Variants in PREX2 observed in about 807,000 individuals in gnomAD.
PREX2 encodes phosphatidylinositol-3,4,5-trisphosphate dependent Rac exchange factor 2.
A neutral mutation model predicts 203.2 loss-of-function variants in PREX2; 107 were observed. That is an observed-to-expected ratio of 0.53 (90% confidence interval 0.45 to 0.62). PREX2 has a LOEUF of 0.62. Among genes scored for constraint, PREX2 ranks in the 20% least tolerant of loss-of-function variants. The probability of loss-of-function intolerance (pLI) is 0.00; values close to 1 mark genes in which losing one functional copy is unlikely to be tolerated. For synonymous variants in PREX2, 672 were observed against 663.6 expected (o/e 1.01, Z -0.19); for missense variants, 1,777 against 1,955.9 (o/e 0.91, Z 1.72).
At chr8:68,109,709 T>TAAAG in intron 25 of PREX2, 86 bp downstream of exon 25, 1 of 1,094,538 alleles carries the variant, frequency 9.1e-7, no homozygotes, top group Non-Finnish European at 1.3e-6. Context: ...ATTCTCTCTT[T>TAAAG]AGTTATTGGA....
chr8:68,148,053 C>T (rs934865232), intron 34 of PREX2, among the ~76,000 whole-genome samples: 1 of 152,054 alleles, frequency 6.6e-6, no homozygotes, highest in Non-Finnish European at 1.5e-5. Context: ...TAGAGACAAG[C>T]CCAGGCAACA....
In PREX2 at chr8:68,235,039, AT is replaced by A. The variant is rs1423388273; in HGVS notation, c.*3663del. On this transcript the variant is annotated 3_prime_UTR_variant, in exon 40 of 40. Transcript: ENST00000288368. ...TGGGCTTGTACATTTTATAGACAAA[AT>A]TAGCATTTATTGATTTGGAAGTGTT... is the stretch of plus-strand genomic sequence containing the variant. 6.6e-6 allele frequency: 1 copy of A among 152,120 alleles called. No homozygotes were observed. Among genetic ancestry groups the A allele is most frequent in the African/African-American group, 2.4e-5 (1 of 41,444 alleles). 9.4% of individuals were successfully genotyped at this position (152,120 alleles called of 1,614,324 possible). A position where few individuals can be genotyped will look rare whatever the true frequency, so the allele number is the denominator to read the frequency against.
intron 39 of PREX2, among the ~76,000 whole-genome samples, chr8:68,226,989 G>T (rs1813068886): frequency 6.6e-6 from 1 of 151,762 alleles, no homozygotes; most frequent in Non-Finnish European, 1.5e-5. Context: ...GGTTGAATGT[G>T]ATTCAAGTAT....
intron 34 of PREX2, among the ~76,000 whole-genome samples, chr8:68,149,341 A>G (rs1235931987): frequency 6.6e-6 from 1 of 152,226 alleles, no homozygotes; most frequent in Non-Finnish European, 1.5e-5. Context: ...TGCTGAAGGC[A>G]AGAACTGCGG....
At position 67,968,878 on chromosome 8, in the gene PREX2, C is replaced by T. The variant is rs560713065; in HGVS notation, c.141+16343C>T. 1.2e-4 allele frequency among the ~76,000 whole-genome samples: 18 copies of T among 152,228 alleles called. No individual in the cohort carries two copies. In the East Asian group the frequency reaches 3.1e-3, roughly 26 times the overall value. ...CTAACCCACAAGAATGCAAAGGATACGGGTGAACTTTAAAGGCAAGACTTG... is the reference window on the plus strand; with the variant it reads ...CTAACCCACAAGAATGCAAAGGATATGGGTGAACTTTAAAGGCAAGACTTG... On this transcript the variant is annotated intron_variant, in intron 1 of 39. Coordinates refer to ENST00000288368, the MANE Select transcript of PREX2 (RefSeq NM_024870.4).
chr8:67,986,335 G>T (rs1806422940), intron 1 of PREX2, among the ~76,000 whole-genome samples: 2 of 127,532 alleles, frequency 1.6e-5, no homozygotes, highest in African/African-American at 5.8e-5. Context: ...GCAGAGCTTG[G>T]ATTTGAACTG....
chr8:68,066,211 T>C (rs775584643), intron 11 of PREX2, among the ~76,000 whole-genome samples: 5 of 152,164 alleles, frequency 3.3e-5, no homozygotes, highest in Non-Finnish European at 1.5e-5. Context: ...TTTGACATAT[T>C]GATTTTATTT....
At chr8:68,229,632 A>G (rs1380716584) in intron 39 of PREX2, among the ~76,000 whole-genome samples, 3 of 152,162 alleles carry the variant, frequency 2.0e-5, no homozygotes, top group Admixed American at 2.0e-4. Flanking sequence ...CAAGGCAGAC[A>G]TTTCAAAGAC....
At chr8:68,171,649 C>T (rs1192775611) in intron 35 of PREX2, among the ~76,000 whole-genome samples, 5 of 152,180 alleles carry the variant, frequency 3.3e-5, no homozygotes, top group Admixed American at 3.3e-4. Flanking sequence ...CGGCACATCT[C>T]CCCATCCCTT....
chr8:68,101,263 A>G, intron 23 of PREX2: 1 of 482,382 alleles, frequency 2.1e-6, no homozygotes, highest in Non-Finnish European at 4.1e-6. Context: ...ATTAATACCC[A>G]AGGGACTCAC....
intron 31 of PREX2, among the ~76,000 whole-genome samples, chr8:68,129,121 T>C (rs1028660302): frequency 1.3e-5 from 2 of 152,218 alleles, no homozygotes; most frequent in African/African-American, 4.8e-5. Flanking sequence ...ATTGACATTC[T>C]GGCAGATTAA....
chr8:68,065,794 G>A (rs1809000607), intron 11 of PREX2, among the ~76,000 whole-genome samples: 1 of 152,136 alleles, frequency 6.6e-6, no homozygotes, highest in Non-Finnish European at 1.5e-5. Context: ...TTTACTTTGA[G>A]GTTTTTACTT....
At chr8:68,041,658 G>C (rs761328351) in intron 7 of PREX2, among the ~76,000 whole-genome samples, 1 of 151,996 alleles carries the variant, frequency 6.6e-6, no homozygotes, top group Non-Finnish European at 1.5e-5. Context: ...GATTGAGATT[G>C]ATAGAAATTG....
chr8:67,958,585 T>C (rs1214301601), intron 1 of PREX2, among the ~76,000 whole-genome samples: 4 of 152,192 alleles, frequency 2.6e-5, no homozygotes, highest in Non-Finnish European at 5.9e-5. Flanking sequence ...GAGTCTGTCA[T>C]TGCATTAGTC....
chr8:68,061,623 GA>G (rs1260858380), intron 11 of PREX2, among the ~76,000 whole-genome samples: 2 of 152,182 alleles, frequency 1.3e-5, no homozygotes, highest in Non-Finnish European at 2.9e-5. Context: ...GATGAAGAAT[GA>G]AGAGAGAGAT....
At chr8:68,187,933 A>G (rs1812223243) in intron 35 of PREX2, among the ~76,000 whole-genome samples, 1 of 152,222 alleles carries the variant, frequency 6.6e-6, no homozygotes, top group African/African-American at 2.4e-5. Context: ...TTGCAGAGCA[A>G]TAGGACATGA....
At chr8:68,061,023 T>C (rs943199753) in intron 11 of PREX2, among the ~76,000 whole-genome samples, 1 of 151,948 alleles carries the variant, frequency 6.6e-6, no homozygotes, top group Admixed American at 6.6e-5. Flanking sequence ...AGAAGTGGGA[T>C]TGTGGAGGAA....
chr8:68,112,493 A>ATGG (rs538888493), intron 25 of PREX2, among the ~76,000 whole-genome samples: 4,423 of 151,242 alleles, frequency 0.029, 206 homozygotes, highest in African/African-American at 0.1. Flanking sequence ...ACAGATAGGA[A>ATGG]TGGTGGTGGT....
intron 1 of PREX2, among the ~76,000 whole-genome samples, chr8:67,954,380 G>C (rs6985946): frequency 0.32 from 48,831 of 152,050 alleles, 8,070 homozygotes; most frequent in East Asian, 0.51. Context: ...ATTTATAATA[G>C]ATTATTAGAT....
Sources: allele counts gnomAD v4.1 joint callset (sites outside exome capture counted in the v4.1 genomes callset), GRCh38; gene constraint gnomAD v4.1.1; transcripts MANE v1.5; gene names NCBI Gene and HGNC (gene_info 2026-07-23, HGNC 2026-07-21).